The following RASA1 variants were observed in gnomAD, a reference collection of about 807,000 sequenced individuals.
RASA1 encodes ras GTPase-activating protein 1.
A neutral mutation model predicts 132.2 loss-of-function variants in RASA1; 25 were observed. The observed-to-expected ratio is 0.19, with a 90% CI of 0.14 to 0.26. The LOEUF is 0.26. Among genes scored for constraint, RASA1 ranks in the 10% least tolerant of loss-of-function variants. RASA1 has a pLI of 1.00. For missense variants in RASA1, 964 were observed against 1,299.2 expected, an observed-to-expected ratio of 0.74 and a Z score of 3.97; for synonymous variants, 477 against 449.9, an observed-to-expected ratio of 1.06 and a Z score of -0.76.
rs1753665591 is a variant in RASA1, at chr5:87,268,505, T to TGGA, written c.60_62dup (p.Gly22dup). On this transcript the variant is annotated inframe_insertion, in exon 1 of 25. Transcript: ENST00000274376. Reference sequence around the variant, plus strand: ...AGGGCGGCCCGGTAACAGCCGGAGCTGGAGGAGGCGGCGCGGCAGCGGGCT... The same window carrying TGGA: ...AGGGCGGCCCGGTAACAGCCGGAGCTGGAGGAGGAGGCGGCGCGGCAGCGGGCT... 2 of 1,568,404 alleles carry TGGA rather than the reference T, an allele frequency of 1.3e-6. No individual in the cohort carries two copies. The highest frequency in any genetic ancestry group is 1.7e-6 in the Non-Finnish European group (2 of 1,158,428).
At position 87,369,879 on chromosome 5, in the gene RASA1, A is replaced by G; in HGVS notation, c.1677A>G (p.Gly559=). The change falls in exon 12 of 25, where the codon GGA becomes GGG. Residue 559 remains glycine (G), a synonymous_variant. Transcript: ENST00000274376. ...AACATTACATCTTTTACTTTGCAGGAGAAACTCCAGAACAAGCAGAGGTAA... is the reference window on the plus strand; with the variant it reads ...AACATTACATCTTTTACTTTGCAGGGGAAACTCCAGAACAAGCAGAGGTAA... The part of the protein sequence containing the change: ...SEEHYIFYFA[G]ETPEQAEDWM... 5.0e-6 allele frequency: 8 copies of G among 1,609,580 alleles called. No individual in the cohort carries two copies. The highest frequency in any genetic ancestry group is 4.4e-5 in the South Asian group (4 of 90,942).
At chr5:87,287,718 G>GAT (rs1450681021) in intron 1 of RASA1, among the ~76,000 whole-genome samples, 24 of 58,502 alleles carry the variant, frequency 4.1e-4, no homozygotes, top group African/African-American at 6.4e-4. Context: ...ACACGCCATA[G>GAT]ATATACCATT....
intron 1 of RASA1, among the ~76,000 whole-genome samples, chr5:87,275,206 G>T (rs549857676): frequency 1.3e-5 from 2 of 152,262 alleles, no homozygotes; most frequent in African/African-American, 4.8e-5. Flanking sequence ...TTGGGAAGAA[G>T]ATTTTTTATA....
In RASA1 at chr5:87,277,918, A is replaced by G. The variant is rs528095124; in HGVS notation, c.539+8928A>G. ...GATTATTATAGTGTGGAAAGATCCT[A>G]CACATGACCATGGTAGCCATGGAAT... is the stretch of plus-strand genomic sequence containing the variant. On this transcript the variant is annotated intron_variant, in intron 1 of 24. Coordinates refer to ENST00000274376, the MANE Select transcript of RASA1 (RefSeq NM_002890.3). 4.6e-5 allele frequency among the ~76,000 whole-genome samples: 7 copies of G among 152,258 alleles called. No individual in the cohort carries two copies. The South Asian group carries it at 1.5e-3, about 32-fold the overall frequency.
chr5:87,370,536 C>T (rs1432591959), intron 12 of RASA1, among the ~76,000 whole-genome samples: 1 of 152,144 alleles, frequency 6.6e-6, no homozygotes, highest in African/African-American at 2.4e-5. Flanking sequence ...CTGGCTTATG[C>T]CTGTAGTCCC....
intron 1 of RASA1, among the ~76,000 whole-genome samples, chr5:87,319,087 C>T (rs550566788): frequency 5.3e-4 from 81 of 152,334 alleles, no homozygotes; most frequent in Non-Finnish European, 7.6e-4. Context: ...TGTCTCACAT[C>T]CAGGGCACGC....
At chr5:87,310,593 G>A (rs749808576) in intron 1 of RASA1, among the ~76,000 whole-genome samples, 8 of 152,084 alleles carry the variant, frequency 5.3e-5, no homozygotes, top group Non-Finnish European at 1.0e-4. Context: ...TCATGTAAGC[G>A]CTGACAGACT....
At chr5:87,331,530 A>G in intron 2 of RASA1, 30 bp downstream of exon 2, 1 of 1,603,112 alleles carries the variant, frequency 6.2e-7, no homozygotes. Context: ...ATGAAGCCAA[A>G]TGATGTAGCT....
chr5:87,270,364 C>G (rs1247485777), intron 1 of RASA1, among the ~76,000 whole-genome samples: 1 of 150,256 alleles, frequency 6.7e-6, no homozygotes, highest in Non-Finnish European at 1.5e-5. Flanking sequence ...CCCCCCACCC[C>G]AGAGATGGAG....
rs752482707 is a variant in RASA1 at position 87,362,542 on chromosome 5, A to G, written c.1333-9A>G. 1.3e-6 allele frequency: 2 copies of G among 1,584,006 alleles called. No homozygotes were observed. Among genetic ancestry groups the G allele is most frequent in the Admixed American group, 3.3e-5 (2 of 59,864 alleles). On this transcript the variant is annotated splice_polypyrimidine_tract_variant and intron_variant, in intron 9 of 24. Coordinates refer to ENST00000274376, the MANE Select transcript of RASA1 (RefSeq NM_002890.3). ...GTATGAAATAATTTTAATGTTTTTT[A>G]AAATTCAGGATCAAGAACAAGTACT...
At chr5:87,348,347 A>G (rs1759011772) in intron 7 of RASA1, among the ~76,000 whole-genome samples, 3 of 152,128 alleles carry the variant, frequency 2.0e-5, no homozygotes, top group Admixed American at 1.3e-4. Context: ...TTTCCTAAAA[A>G]CAATCAAGTC....
intron 8 of RASA1, among the ~76,000 whole-genome samples, chr5:87,351,391 G>GAATC (rs2112427149): frequency 6.6e-6 from 1 of 151,808 alleles, no homozygotes; most frequent in Admixed American, 6.6e-5. Context: ...AAATGCATGG[G>GAATC]AATCAATAAA....
chr5:87,359,306 T>C (rs1365884369), intron 9 of RASA1, among the ~76,000 whole-genome samples: 1 of 152,196 alleles, frequency 6.6e-6, no homozygotes, highest in Non-Finnish European at 1.5e-5. Context: ...GATTACTGAA[T>C]TTCCCTTGGG....
At chr5:87,272,704 A>G (rs1313356992) in intron 1 of RASA1, among the ~76,000 whole-genome samples, 1 of 152,166 alleles carries the variant, frequency 6.6e-6, no homozygotes. Context: ...CCCTTGTTAA[A>G]TGACTATTTT....
intron 1 of RASA1, among the ~76,000 whole-genome samples, chr5:87,313,449 G>T (rs1402295842): frequency 6.6e-6 from 1 of 152,134 alleles, no homozygotes; most frequent in Non-Finnish European, 1.5e-5. Flanking sequence ...TCTCCAGTTT[G>T]GCTAGATACG....
chr5:87,385,015 T>C lies in RASA1; in HGVS notation c.2759-286T>C, dbSNP rs927925401. ...ATAAAGGTAAAGCTTTGAGGTCCTTTGAAATAGTATCAACCGTTGGAAACT... is the reference window on the plus strand; with the variant it reads ...ATAAAGGTAAAGCTTTGAGGTCCTTCGAAATAGTATCAACCGTTGGAAACT... On this transcript the variant is annotated intron_variant, in intron 21 of 24. Transcript: ENST00000274376. 2.0e-5 allele frequency among the ~76,000 whole-genome samples: 3 copies of C among 152,188 alleles called. No homozygotes were observed. In the South Asian group the frequency reaches 6.2e-4, roughly 32 times the overall value.
intron 9 of RASA1, among the ~76,000 whole-genome samples, chr5:87,360,478 A>C (rs1265829741): frequency 6.6e-6 from 1 of 152,204 alleles, no homozygotes; most frequent in African/African-American, 2.4e-5. Flanking sequence ...CCATTGCTCC[A>C]TAATTGTAAA....
chr5:87,353,127 G>C, intron 8 of RASA1, 30 bp from the exon 9 acceptor site: 2 of 1,555,254 alleles, frequency 1.3e-6, no homozygotes, highest in Non-Finnish European at 1.8e-6. Context: ...TTATGAGACA[G>C]ATTAATACTA....
chr5:87,370,405 T>C (rs1001388195), intron 12 of RASA1, among the ~76,000 whole-genome samples: 6 of 152,224 alleles, frequency 3.9e-5, no homozygotes, highest in South Asian at 2.1e-4. Flanking sequence ...GTCCTTCTTA[T>C]AGCGTCTATT....
Sources: allele counts gnomAD v4.1 joint callset (sites outside exome capture counted in the v4.1 genomes callset), GRCh38; gene constraint gnomAD v4.1.1; transcripts MANE v1.5; gene names NCBI Gene and HGNC (gene_info 2026-07-23, HGNC 2026-07-21).